MYLK4: variants seen among roughly 807,000 people sequenced by gnomAD.
MYLK4 encodes caMLCK like.
A neutral mutation model predicts 48.1 loss-of-function variants in MYLK4; 46 were observed. That is an observed-to-expected ratio of 0.96 (90% confidence interval 0.75 to 1.22). The LOEUF is 1.22. MYLK4 is among the 50% of genes most tolerant of loss of function. The pLI is 0.00. For synonymous variants in MYLK4, 170 were observed against 180.8 expected (o/e 0.94, Z 0.48); for missense variants, 451 against 486.1 (o/e 0.93, Z 0.68).
chr6:2,716,555 A>G (rs1287727329), intron 2 of MYLK4, among the ~76,000 whole-genome samples: 3 of 152,224 alleles, frequency 2.0e-5, no homozygotes, highest in African/African-American at 4.8e-5. Context: ...AGTATGTGGT[A>G]TTCATTCATT....
intron 2 of MYLK4, among the ~76,000 whole-genome samples, chr6:2,713,446 A>C (rs1262832432): frequency 6.6e-6 from 1 of 152,236 alleles, no homozygotes; most frequent in African/African-American, 2.4e-5. Context: ...TCCTTCAGCA[A>C]GCATTTTCAA....
chr6:2,765,191 C>G, the MYLK4 span, among the ~76,000 whole-genome samples: 1 of 98,398 alleles, frequency 1.0e-5, no homozygotes, highest in Admixed American at 1.1e-4. Flanking sequence ...AACCCCCCCC[C>G]CCGCCCCTCC....
the MYLK4 span, among the ~76,000 whole-genome samples, chr6:2,769,275 A>AT: frequency 9.9e-5 from 15 of 152,156 alleles, no homozygotes; most frequent in Non-Finnish European, 4.4e-5. Flanking sequence ...AAATTAAACA[A>AT]TCGGTATTTT....
the MYLK4 span, among the ~76,000 whole-genome samples, chr6:2,764,214 C>G: frequency 6.6e-6 from 1 of 152,206 alleles, no homozygotes; most frequent in East Asian, 1.9e-4. Flanking sequence ...TCTAGCGTTT[C>G]TATTAATCTT....
rs1190493543 is a variant in MYLK4 at position 2,692,850 on chromosome 6, C to T, written c.169G>A (p.Val57Met). Residue 57 changes from valine to methionine, a missense_variant, in exon 3 of 13, where the codon GTG becomes ATG. Physicochemically the swap from Val to Met is conservative, Grantham distance 21. Coordinates refer to ENST00000274643, the MANE Select transcript of MYLK4 (RefSeq NM_001012418.5). ...SRSGHNEAKE[V>M]WSNADLTERM... ...TCCGTCAGGTCGGCGTTTGACCACA[C>T]CTCCTTCGCCTGTGGAGGCACAATT... 2 of 1,612,848 alleles carry T rather than the reference C, an allele frequency of 1.2e-6. No individual in the cohort carries two copies. Among genetic ancestry groups the T allele is most frequent in the Admixed American group, 1.7e-5 (1 of 59,926 alleles).
At chr6:2,761,247 C>T in the MYLK4 span, among the ~76,000 whole-genome samples, 1 of 152,024 alleles carries the variant, frequency 6.6e-6, no homozygotes, top group African/African-American at 2.4e-5. Context: ...AGTAAACCAC[C>T]GAGGCCAGCT....
At chr6:2,759,491 CATTTTCTCCT>C in the MYLK4 span, among the ~76,000 whole-genome samples, 1 of 152,146 alleles carries the variant, frequency 6.6e-6, no homozygotes, top group Admixed American at 6.5e-5. Context: ...CTTTTAATTA[CATTTTCTCCT>C]ATTTTCTTAT....
the MYLK4 span, among the ~76,000 whole-genome samples, chr6:2,756,738 C>T: frequency 6.6e-6 from 1 of 152,144 alleles, no homozygotes. Flanking sequence ...AAAATGCTTG[C>T]TACAAGGTAA....
At chr6:2,695,060 C>T (rs188292504) in intron 2 of MYLK4, among the ~76,000 whole-genome samples, 14 of 151,994 alleles carry the variant, frequency 9.2e-5, no homozygotes, top group African/African-American at 1.2e-4. Context: ...AAATATTTGT[C>T]GAAAGATTAC....
At chr6:2,766,474 G>C in the MYLK4 span, 696 of 1,476,296 alleles carry the variant, frequency 4.7e-4, 3 homozygotes, top group Non-Finnish European at 5.8e-4. Flanking sequence ...TTGGGCTTCC[G>C]TAGTTATCTC....
chr6:2,729,491 C>T (rs1039015031), intron 2 of MYLK4, among the ~76,000 whole-genome samples: 1 of 152,244 alleles, frequency 6.6e-6, no homozygotes, highest in Non-Finnish European at 1.5e-5. Context: ...TTATACTAAA[C>T]ACGATCCACC....
At chr6:2,756,148 G>A in the MYLK4 span, among the ~76,000 whole-genome samples, 2 of 152,194 alleles carry the variant, frequency 1.3e-5, no homozygotes, top group East Asian at 3.9e-4. Context: ...ACTGTGAAAT[G>A]ATTTTCTAAT....
At chr6:2,769,975 T>C in the MYLK4 span, 2 of 1,184,038 alleles carry the variant, frequency 1.7e-6, no homozygotes. Context: ...ATTGCATCTA[T>C]ATTCAGTGAA....
upstream of MYLK4, among the ~76,000 whole-genome samples, chr6:2,755,864 T>A (rs139812310): frequency 1.8e-3 from 270 of 152,356 alleles, 1 homozygote; most frequent in African/African-American, 6.2e-3. Context: ...AACCAGGTTA[T>A]ACCTGAGCAT....
At position 2,678,711 on chromosome 6, in the gene MYLK4, G is replaced by GTTT. The variant is rs11344815; in HGVS notation, c.888-342_888-340dup. ...CTAGCCTGAGTCATTTAGGAGATCA[G>GTTT]TTTTTTTTTTTTTTTTTTGAGACGG... On this transcript the variant is annotated intron_variant, in intron 9 of 12. Transcript: ENST00000274643. Among the ~76,000 whole-genome samples the GTTT allele has an allele frequency of 5.0e-4, 66 of 132,294 alleles. 4 individuals carry two copies. Among genetic ancestry groups the GTTT allele is most frequent in the Admixed American group, 6.9e-4 (9 of 12,974 alleles). 86.8% of individuals were successfully genotyped at this position (132,294 alleles called of 152,430 possible). A position where few individuals can be genotyped will look rare whatever the true frequency, so the allele number is the denominator to read the frequency against.
intron 6 of MYLK4, among the ~76,000 whole-genome samples, chr6:2,684,140 T>C (rs1298753522): frequency 6.6e-6 from 1 of 152,162 alleles, no homozygotes; most frequent in East Asian, 1.9e-4. Context: ...TCTTGTGTCT[T>C]GGGGCCATTA....
chr6:2,677,578 T>C (rs1047774398), intron 10 of MYLK4, among the ~76,000 whole-genome samples: 18 of 152,228 alleles, frequency 1.2e-4, no homozygotes, highest in African/African-American at 4.3e-4. Flanking sequence ...TCAATGTCAC[T>C]CTTTTTCATT....
intron 2 of MYLK4, among the ~76,000 whole-genome samples, chr6:2,738,223 G>T (rs1763768629): frequency 6.6e-6 from 1 of 152,100 alleles, no homozygotes; most frequent in African/African-American, 2.4e-5. Flanking sequence ...AAGCTAAACA[G>T]GATAAATTTT....
chr6:2,725,730 C>T (rs750329408), intron 2 of MYLK4, among the ~76,000 whole-genome samples: 4 of 152,116 alleles, frequency 2.6e-5, no homozygotes, highest in Admixed American at 6.5e-5. Flanking sequence ...TTTTAACTAT[C>T]GATAGGCAGA....
Sources: allele counts gnomAD v4.1 joint callset (sites outside exome capture counted in the v4.1 genomes callset), GRCh38; gene constraint gnomAD v4.1.1; transcripts MANE v1.5; gene names NCBI Gene and HGNC (gene_info 2026-07-23, HGNC 2026-07-21).